RRAS2: variants seen among roughly 807,000 people sequenced by gnomAD.
The protein encoded by RRAS2 is ras-related protein R-Ras2.
Under a neutral mutation model 27.6 loss-of-function variants are expected in RRAS2, and 7 were observed. The ratio of observed to expected loss-of-function variants is 0.25; its 90% CI spans 0.14 to 0.48. The LOEUF (loss-of-function observed/expected upper bound fraction) is 0.48. Among genes scored for constraint, RRAS2 ranks in the 20% least tolerant of loss-of-function variants. The probability of loss-of-function intolerance (pLI) is 0.99; values close to 1 mark genes in which losing one functional copy is unlikely to be tolerated. For missense variants in RRAS2, 178 were observed against 256.2 expected, an observed-to-expected ratio of 0.69 and a Z score of 2.08; for synonymous variants, 86 against 90.9, an observed-to-expected ratio of 0.95 and a Z score of 0.31.
At chr11:14,309,552 G>C (rs1349702044) in intron 1 of RRAS2, among the ~76,000 whole-genome samples, 2 of 152,236 alleles carry the variant, frequency 1.3e-5, no homozygotes, top group African/African-American at 4.8e-5. Context: ...GGGAGGATAT[G>C]ATACTGCATA....
chr11:14,342,839 T>C (rs1286511859), intron 1 of RRAS2, among the ~76,000 whole-genome samples: 3 of 152,176 alleles, frequency 2.0e-5, no homozygotes, highest in Non-Finnish European at 1.5e-5. Context: ...AACTGCAACT[T>C]TAATTTTCAA....
At chr11:14,360,397 A>T (rs1591496658), upstream of RRAS2, among the ~76,000 whole-genome samples, 2 of 151,938 alleles carry the variant, frequency 1.3e-5, no homozygotes, top group South Asian at 4.2e-4. Flanking sequence ...TTCCTTTTTT[A>T]AAAATCTTTT....
At chr11:14,300,330 A>G (rs1337178969) in intron 1 of RRAS2, among the ~76,000 whole-genome samples, 3 of 152,208 alleles carry the variant, frequency 2.0e-5, no homozygotes, top group African/African-American at 7.2e-5. Context: ...GTGGAGAAAC[A>G]TTTAGGATTA....
At chr11:14,359,476 T>C (rs1016650804), upstream of RRAS2, among the ~76,000 whole-genome samples, 2 of 152,222 alleles carry the variant, frequency 1.3e-5, no homozygotes, top group African/African-American at 2.4e-5. Context: ...TGTTGGCATA[T>C]TAACTCAATT....
intron 1 of RRAS2, among the ~76,000 whole-genome samples, chr11:14,352,754 T>G (rs199590889): frequency 0.014 from 1,671 of 118,662 alleles, 14 homozygotes; most frequent in Middle Eastern, 0.03. Flanking sequence ...AATATATATA[T>G]ATAGAGAGAG....
chr11:14,335,426 G>C (rs782043130), intron 1 of RRAS2, among the ~76,000 whole-genome samples: 1 of 152,166 alleles, frequency 6.6e-6, no homozygotes, highest in African/African-American at 2.4e-5. Context: ...AACAGGTTCA[G>C]AACTGAACTC....
intron 1 of RRAS2, among the ~76,000 whole-genome samples, chr11:14,309,002 C>T (rs1311149689): frequency 6.6e-6 from 1 of 152,148 alleles, no homozygotes; most frequent in Non-Finnish European, 1.5e-5. Context: ...GTACTCAGTA[C>T]ACTGCTTAAC....
At chr11:14,307,897 T>G (rs1346689215) in intron 1 of RRAS2, among the ~76,000 whole-genome samples, 3 of 152,122 alleles carry the variant, frequency 2.0e-5, no homozygotes, top group Non-Finnish European at 4.4e-5. Flanking sequence ...CAATTTCAAT[T>G]CCAGAAACTT....
At chr11:14,305,566 C>T (rs1847811355) in intron 1 of RRAS2, among the ~76,000 whole-genome samples, 1 of 152,206 alleles carries the variant, frequency 6.6e-6, no homozygotes, top group East Asian at 1.9e-4. Context: ...ATAGCTTTCC[C>T]TGGGTTTAGC....
chr11:14,328,435 G>A (rs1168027995), intron 1 of RRAS2, among the ~76,000 whole-genome samples: 4 of 150,204 alleles, frequency 2.7e-5, no homozygotes, highest in Non-Finnish European at 4.4e-5. Context: ...AGGAAGACAC[G>A]TGTAAAAACA....
chr11:14,294,618 G>A, intron 3 of RRAS2, 39 bp from the exon 4 acceptor site: 3 of 1,513,330 alleles, frequency 2.0e-6, no homozygotes, highest in Non-Finnish European at 2.7e-6. Flanking sequence ...AATCAATTTG[G>A]TCAAGTATCA....
intron 1 of RRAS2, among the ~76,000 whole-genome samples, chr11:14,303,731 G>A (rs1422620375): frequency 6.6e-6 from 1 of 152,108 alleles, no homozygotes; most frequent in Admixed American, 6.5e-5. Flanking sequence ...GATGTGAGGG[G>A]TCCTGTCATC....
At chr11:14,330,661 A>T (rs571685136) in intron 1 of RRAS2, among the ~76,000 whole-genome samples, 57 of 151,330 alleles carry the variant, frequency 3.8e-4, no homozygotes, top group African/African-American at 1.2e-3. Context: ...ATTAAAAAAA[A>T]TTTTTTTTTC....
At position 14,358,857 on chromosome 11, in the gene RRAS2, C is replaced by T; in HGVS notation, c.14G>A (p.Gly5Asp). 1 of 1,469,472 alleles carries T rather than the reference C, an allele frequency of 6.8e-7. No individual in the cohort carries two copies. The highest frequency in any genetic ancestry group is 1.5e-5 in the African/African-American group (1 of 68,458). The allele number at this position is 1,469,472 out of a possible 1,614,324, so 91.0% of individuals were successfully genotyped here. Residue 5 changes from glycine (G) to aspartate (D), a missense_variant, in exon 1 of 6, where the codon GGC becomes GAC. Gly to Asp is a moderately conservative substitution (Grantham distance 94). Transcript: ENST00000256196. The surrounding 1 kb of genome is among the most constrained non-coding windows in gnomAD (Gnocchi z 5.1). ...CTCCTGGCCGGAGCCGTCCCGCCAGCCGGCCGCGGCCATGGGGACGCTACA... is the reference window on the plus strand; with the variant it reads ...CTCCTGGCCGGAGCCGTCCCGCCAGTCGGCCGCGGCCATGGGGACGCTACA... MAAA[G>D]WRDGSGQEKY...
At chr11:14,303,785 C>CTG (rs1291675867) in intron 1 of RRAS2, among the ~76,000 whole-genome samples, 2 of 152,152 alleles carry the variant, frequency 1.3e-5, no homozygotes, top group East Asian at 3.8e-4. Context: ...CACAACAAGG[C>CTG]TGTCTCTGGC....
chr11:14,295,264 C>A (rs1847513961), intron 2 of RRAS2, among the ~76,000 whole-genome samples: 1 of 152,204 alleles, frequency 6.6e-6, no homozygotes, highest in South Asian at 2.1e-4. Flanking sequence ...CAATACCATA[C>A]TTAGTGCAGG....
chr11:14,288,905 TACA>T (rs781888775), intron 4 of RRAS2, among the ~76,000 whole-genome samples: 12 of 152,216 alleles, frequency 7.9e-5, no homozygotes, highest in Non-Finnish European at 7.3e-5. Context: ...ATCACATTAA[TACA>T]ACGTCTTAAC....
chr11:14,360,776 T>G (rs893709969), upstream of RRAS2, among the ~76,000 whole-genome samples: 1 of 151,072 alleles, frequency 6.6e-6, no homozygotes, highest in Non-Finnish European at 1.5e-5. Flanking sequence ...CAAAAATTAG[T>G]CCGGAGTGGT....
At chr11:14,296,142 T>C (rs1554946590) in intron 1 of RRAS2, among the ~76,000 whole-genome samples, 1 of 152,056 alleles carries the variant, frequency 6.6e-6, no homozygotes, top group Non-Finnish European at 1.5e-5. Context: ...ATTGTGCCAC[T>C]GTACTCCAGC....
Sources: gnomAD v4.1 joint callset for allele counts (sites outside exome capture counted in the v4.1 genomes callset) on GRCh38, gnomAD v4.1.1 for gene constraint, Gnocchi (gnomAD v3.1) non-coding constraint, MANE v1.5 for transcripts, NCBI Gene and HGNC (gene_info 2026-07-23, HGNC 2026-07-21) for gene names.